The following SLCO3A1 variants were observed in gnomAD, a reference collection of about 807,000 sequenced individuals.
SLCO3A1 encodes the protein solute carrier organic anion transporter family member 3A1.
SLCO3A1 carries 27 observed loss-of-function variants against 63.1 expected under a neutral mutation model. The observed-to-expected ratio is 0.43, with a 90% CI of 0.32 to 0.59. The LOEUF is 0.59. Ranked by LOEUF, SLCO3A1 falls within the 20% of genes least tolerant of loss-of-function variation. The pLI, the probability that SLCO3A1 is intolerant of heterozygous loss-of-function variation, is 0.09. For missense variants in SLCO3A1, 773 were observed against 945.8 expected, an observed-to-expected ratio of 0.82 and a Z score of 2.40; for synonymous variants, 473 against 409.9, an observed-to-expected ratio of 1.15 and a Z score of -1.86.
chr15:92,120,416 C>T (rs749817509), intron 4 of SLCO3A1, 49 bp from the exon 5 acceptor site: 1 of 1,577,778 alleles, frequency 6.3e-7, no homozygotes, highest in African/African-American at 1.3e-5. Flanking sequence ...AAGATGGGAG[C>T]ACAGGGTGTG....
At chr15:91,990,473 G>A (rs79777452) in intron 2 of SLCO3A1, among the ~76,000 whole-genome samples, 19 of 152,024 alleles carry the variant, frequency 1.2e-4, no homozygotes, top group Non-Finnish European at 2.5e-4. Flanking sequence ...TCCTGAACTG[G>A]TTTCATTTCA....
intron 5 of SLCO3A1, 90 bp from the exon 6 acceptor site, chr15:92,125,971 C>T (rs929545107): frequency 3.4e-5 from 37 of 1,102,170 alleles, no homozygotes; most frequent in Middle Eastern, 3.9e-4. Flanking sequence ...AGGGCATTCA[C>T]GGGACTCAGC....
intron 9 of SLCO3A1, chr15:92,153,685 C>G (rs2048336290): frequency 6.6e-6 from 1 of 152,340 alleles, no homozygotes; most frequent in Admixed American, 6.5e-5. Flanking sequence ...GCCTCCTAAT[C>G]TTGCCTTGGG....
rs145933870 is a variant in SLCO3A1, at chr15:91,870,256, G to A, written c.180+16168G>A. Among the ~76,000 whole-genome samples, 681 of 152,256 alleles carry A rather than the reference G, an allele frequency of 4.5e-3. 7 individuals carry two copies. Among genetic ancestry groups the A allele is most frequent in the African/African-American group, 0.016 (645 of 41,550 alleles). On this transcript the variant is annotated intron_variant, in intron 1 of 9. Coordinates refer to ENST00000318445, the MANE Select transcript of SLCO3A1 (RefSeq NM_013272.4). ...ACATGGAAAAATGACTGGCTGAGTA[G>A]ATATACTTATAAAATGTATGTTCTA... is the stretch of plus-strand genomic sequence containing the variant.
intron 2 of SLCO3A1, among the ~76,000 whole-genome samples, chr15:92,082,352 A>G (rs2047357280): frequency 6.6e-6 from 1 of 152,230 alleles, no homozygotes; most frequent in Non-Finnish European, 1.5e-5. Context: ...GTGATGAGAA[A>G]CGCAAAGCCC....
chr15:91,956,050 A>T (rs1324011799), intron 2 of SLCO3A1, among the ~76,000 whole-genome samples: 1 of 152,196 alleles, frequency 6.6e-6, no homozygotes, highest in Non-Finnish European at 1.5e-5. Flanking sequence ...AGCAAGGACA[A>T]GATGAGGAGG....
At chr15:91,871,765 G>GTTTTTTTT (rs33938693) in intron 1 of SLCO3A1, among the ~76,000 whole-genome samples, 3 of 45,704 alleles carry the variant, frequency 6.6e-5, no homozygotes, top group Admixed American at 3.2e-4. Context: ...TTTTTTTTTG[G>GTTTTTTTT]TTTTTTTTTT....
In SLCO3A1 at chr15:92,143,443, T is replaced by TATA. The variant is rs1257038949; in HGVS notation, c.1513-3540_1513-3538dup. 1.1e-3 allele frequency among the ~76,000 whole-genome samples: 9 copies of TATA among 8,026 alleles called. 3 individuals are homozygous for TATA. Among genetic ancestry groups the TATA allele is most frequent in the African/African-American group, 0.011 (9 of 812 alleles). 5.3% of individuals were successfully genotyped at this position (8,026 alleles called of 152,430 possible). A position where few individuals can be genotyped will look rare whatever the true frequency, so the allele number is the denominator to read the frequency against. On this transcript the variant is annotated intron_variant, in intron 7 of 9. Coordinates refer to ENST00000318445, the MANE Select transcript of SLCO3A1 (RefSeq NM_013272.4). ...TTATATATATATAATATATATAATA[T>TATA]ATATATAATATATATAATATATATA... is the stretch of plus-strand genomic sequence containing the variant.
intron 2 of SLCO3A1, among the ~76,000 whole-genome samples, chr15:91,937,485 C>T (rs1047575316): frequency 6.6e-6 from 1 of 151,990 alleles, no homozygotes; most frequent in South Asian, 2.1e-4. Context: ...TTCCGGAGGC[C>T]GAGGTGGGCA....
intron 2 of SLCO3A1, among the ~76,000 whole-genome samples, chr15:91,966,099 C>T (rs563156202): frequency 3.3e-5 from 5 of 152,158 alleles, no homozygotes; most frequent in Admixed American, 2.6e-4. Flanking sequence ...TTGTGCCCAG[C>T]GAATTATGGG....
intron 2 of SLCO3A1, among the ~76,000 whole-genome samples, chr15:91,935,163 A>G (rs1899365888): frequency 6.6e-6 from 1 of 152,196 alleles, no homozygotes; most frequent in South Asian, 2.1e-4. Context: ...CATGTTGGCC[A>G]GGATGGTCTC....
rs1395535748 is a variant in SLCO3A1, at chr15:91,941,246, G to A, written c.646+24788G>A. 9.5e-6 allele frequency: 2 copies of A among 210,612 alleles called. No homozygotes were observed. The highest frequency in any genetic ancestry group is 2.6e-4 in the East Asian group (2 of 7,672). The allele number at this position is 210,612 out of a possible 1,614,324, so 13.0% of individuals were successfully genotyped here. A position where few individuals can be genotyped will look rare whatever the true frequency, so the allele number is the denominator to read the frequency against. On this transcript the variant is annotated intron_variant, in intron 2 of 9. Transcript: ENST00000318445. The surrounding 1 kb of genome is among the most constrained non-coding windows in gnomAD (Gnocchi z 4.4). ...CCGGAAGGTTGTAGTGTTCTCCTGA[G>A]AAGGGAATGTGAGCTGGTTTAGGTG... is the stretch of plus-strand genomic sequence containing the variant.
At position 91,968,712 on chromosome 15, in the gene SLCO3A1, G is replaced by T. The variant is rs1471681321; in HGVS notation, c.646+52254G>T. Among the ~76,000 whole-genome samples the T allele has an allele frequency of 1.3e-5, 2 of 152,168 alleles. No homozygotes were observed. The highest frequency in any genetic ancestry group is 2.4e-5 in the African/African-American group (1 of 41,424). On this transcript the variant is annotated intron_variant, in intron 2 of 9. Transcript: ENST00000318445. This position sits in a 1 kb window ranked among gnomAD's most constrained non-coding sequence, Gnocchi z 4.2. ...ACGCAGACCCGCAAGCACAGCCTTC[G>T]CACGTGTGCTCACACAGCCGCAGTA...
intron 2 of SLCO3A1, among the ~76,000 whole-genome samples, chr15:92,040,183 C>T (rs1295587321): frequency 6.6e-6 from 1 of 152,124 alleles, no homozygotes; most frequent in African/African-American, 2.4e-5. Context: ...CCTACACGTT[C>T]TGCACTTGTA....
chr15:91,880,486 T>C (rs1282073359), intron 1 of SLCO3A1, among the ~76,000 whole-genome samples: 1 of 151,528 alleles, frequency 6.6e-6, no homozygotes, highest in African/African-American at 2.4e-5. Context: ...AATCAGGATA[T>C]AGAATCTGCT....
intron 4 of SLCO3A1, among the ~76,000 whole-genome samples, chr15:92,120,135 T>C (rs2047846203): frequency 6.6e-6 from 1 of 152,096 alleles, no homozygotes; most frequent in East Asian, 1.9e-4. Flanking sequence ...AACCCTCTGT[T>C]AGTAGAGGAT....
At chr15:92,139,053 C>T (rs945088508) in intron 7 of SLCO3A1, among the ~76,000 whole-genome samples, 1 of 140,014 alleles carries the variant, frequency 7.1e-6, no homozygotes, top group African/African-American at 2.8e-5. Flanking sequence ...TGTCTTGTGC[C>T]AGTTTTCAAA....
At chr15:92,061,715 A>G (rs1174883790) in intron 2 of SLCO3A1, among the ~76,000 whole-genome samples, 1 of 152,212 alleles carries the variant, frequency 6.6e-6, no homozygotes, top group Non-Finnish European at 1.5e-5. Flanking sequence ...AGGAAAGCAG[A>G]GAGTTGAACA....
rs2048471492 is a variant in SLCO3A1, at chr15:92,163,916, G to C, written c.*781G>C. The stretch of plus-strand genomic sequence containing the variant: ...GCATCCACCTTCCCCCAGCCCCACA[G>C]AGTGACCTCAGGAAGCAGTAGGCCT... On this transcript the variant is annotated 3_prime_UTR_variant, in exon 10 of 10. Coordinates refer to ENST00000318445, the MANE Select transcript of SLCO3A1 (RefSeq NM_013272.4). 2 of 985,570 alleles carry C rather than the reference G, an allele frequency of 2.0e-6. No individual in the cohort carries two copies. Among genetic ancestry groups the C allele is most frequent in the Non-Finnish European group, 2.4e-6 (2 of 830,016 alleles). 61.1% of individuals were successfully genotyped at this position (985,570 alleles called of 1,614,324 possible).
Sources: allele counts gnomAD v4.1 joint callset (sites outside exome capture counted in the v4.1 genomes callset), GRCh38; gene constraint gnomAD v4.1.1; non-coding constraint Gnocchi (gnomAD v3.1); transcripts MANE v1.5; gene names NCBI Gene and HGNC (gene_info 2026-07-23, HGNC 2026-07-21).